OSBPL8: variants seen among roughly 807,000 people sequenced by gnomAD.
OSBPL8 encodes the protein oxysterol binding protein like 8.
OSBPL8 carries 59 observed loss-of-function variants against 125.5 expected under a neutral mutation model. That is an observed-to-expected ratio of 0.47 (90% CI 0.38 to 0.58). OSBPL8 has a LOEUF of 0.58. Among genes scored for constraint, OSBPL8 ranks in the 20% least tolerant of loss-of-function variants. OSBPL8 has a pLI of 0.00. For synonymous variants in OSBPL8, 330 were observed against 338.9 expected, an observed-to-expected ratio of 0.97 and a Z score of 0.29; for missense variants, 758 against 1,047.8, an observed-to-expected ratio of 0.72 and a Z score of 3.82.
intron 9 of OSBPL8, among the ~76,000 whole-genome samples, chr12:76,394,293 A>G (rs1953700886): frequency 6.6e-6 from 1 of 152,184 alleles, no homozygotes; most frequent in African/African-American, 2.4e-5. Context: ...AAAACAATGT[A>G]TATGTCTCAT....
In OSBPL8 at chr12:76,356,726, G is replaced by A. The variant is rs892212572; in HGVS notation, c.2437C>T (p.Gln813Ter). The A allele has an allele frequency of 6.4e-7, 1 of 1,569,730 alleles. No homozygotes were observed. The highest frequency in any genetic ancestry group is 8.7e-7 in the Non-Finnish European group (1 of 1,145,064). ...CTTCTTGTACTTGGTTTTACTGATTGAGCTAAAAAGACATTTAGAATGAAG... is the reference window on the plus strand; with the variant it reads ...CTTCTTGTACTTGGTTTTACTGATTAAGCTAAAAAGACATTTAGAATGAAG... ...DIQDSSGSEA[Q>*]SVKPSTRRKK... is the part of the protein sequence containing the mutation. The change falls in exon 23 of 24, where the codon CAA becomes TAA. Residue 813 changes from glutamine (Q) to a stop codon, truncating the protein, a stop_gained and splice_region_variant. Transcript: ENST00000261183. LOFTEE classifies it high-confidence loss of function.
chr12:76,548,374 T>C (rs1290298403), intron 1 of OSBPL8, among the ~76,000 whole-genome samples: 6 of 152,072 alleles, frequency 3.9e-5, no homozygotes, highest in Middle Eastern at 3.2e-3. Context: ...AAAGCATGAT[T>C]ATAAAGTAAA....
chr12:76,500,462 G>C (rs1398120167), intron 1 of OSBPL8, among the ~76,000 whole-genome samples: 2 of 152,084 alleles, frequency 1.3e-5, no homozygotes, highest in African/African-American at 4.8e-5. Context: ...CTTGATTCTT[G>C]AACTTCCAAA....
chr12:76,405,904 T>A (rs1331248738), intron 5 of OSBPL8, among the ~76,000 whole-genome samples: 1 of 152,314 alleles, frequency 6.6e-6, no homozygotes, highest in East Asian at 1.9e-4. Flanking sequence ...ATGTTATATA[T>A]TTTTTACTTC....
intron 1 of OSBPL8, among the ~76,000 whole-genome samples, chr12:76,540,505 T>C (rs1383013479): frequency 6.6e-6 from 1 of 151,658 alleles, no homozygotes; most frequent in Non-Finnish European, 1.5e-5. Context: ...TGTGTGTGTG[T>C]GTGTGTGTGT....
At chr12:76,554,643 A>ACAG (rs1951042015) in intron 1 of OSBPL8, among the ~76,000 whole-genome samples, 1 of 152,246 alleles carries the variant, frequency 6.6e-6, no homozygotes, top group Non-Finnish European at 1.5e-5. Flanking sequence ...AGTACCTGGT[A>ACAG]TATAGCAGTT....
chr12:76,394,535 T>C (rs1405244113), intron 9 of OSBPL8, 110 bp downstream of exon 9: 5 of 745,988 alleles, frequency 6.7e-6, no homozygotes, highest in Non-Finnish European at 8.8e-6. Flanking sequence ...ACCATGCTTC[T>C]GCTGCAAATG....
chr12:76,492,672 T>C (rs919244841), intron 1 of OSBPL8, among the ~76,000 whole-genome samples: 1 of 152,178 alleles, frequency 6.6e-6, no homozygotes, highest in Non-Finnish European at 1.5e-5. Context: ...CTGCTCCTTA[T>C]GAGAATCTAA....
intron 1 of OSBPL8, among the ~76,000 whole-genome samples, chr12:76,506,817 A>ATTTAAATGATTTT (rs1880465863): frequency 6.6e-6 from 1 of 152,186 alleles, no homozygotes; most frequent in Admixed American, 6.5e-5. Flanking sequence ...GGTCAAAGTC[A>ATTTAAATGATTTT]AAAACATTTA....
Position 76,390,478 on chromosome 12 carries a change from G to A in OSBPL8, c.1109C>T (p.Pro370Leu). 1 of 1,613,846 alleles carries A rather than the reference G, an allele frequency of 6.2e-7. No homozygotes were observed. The highest frequency in any genetic ancestry group is 8.5e-7 in the Non-Finnish European group (1 of 1,179,902). The change falls in exon 11 of 24, where the codon CCT becomes CTT. Residue 370 changes from proline (P) to leucine (L), a missense_variant. Pro to Leu is a moderately conservative substitution (Grantham distance 98). This residue lies in a region of OSBPL8 where 572 missense variants were observed against 762.0 expected (regional missense o/e 0.75). Transcript: ENST00000261183. ...GGTAGTCTCCTTTAAAGGCTCAACA[G>A]GCTCAGGTTCGATATATGAGTCATC... ...RQDDSYIEPE[P>L]VEPLKETTYT...
chr12:76,548,039 C>CA (rs1160105747), intron 1 of OSBPL8, among the ~76,000 whole-genome samples: 2 of 151,798 alleles, frequency 1.3e-5, no homozygotes, highest in Non-Finnish European at 2.9e-5. Context: ...TCTGCATTAA[C>CA]AAAAAAATAG....
intron 2 of OSBPL8, among the ~76,000 whole-genome samples, chr12:76,479,035 T>G (rs1203461790): frequency 1.3e-5 from 2 of 152,202 alleles, no homozygotes; most frequent in Non-Finnish European, 2.9e-5. Context: ...CACTCCAGCC[T>G]GGGCGACAGA....
chr12:76,376,509 T>C (rs1434033427), intron 16 of OSBPL8, among the ~76,000 whole-genome samples: 1 of 152,222 alleles, frequency 6.6e-6, no homozygotes, highest in Admixed American at 6.6e-5. Flanking sequence ...CGCAAGTGGT[T>C]ATAACTTCTT....
chr12:76,552,421 A>C (rs1376226551), intron 1 of OSBPL8, among the ~76,000 whole-genome samples: 1 of 85,694 alleles, frequency 1.2e-5, no homozygotes, highest in Non-Finnish European at 2.1e-5. Context: ...GCGATACCCC[A>C]TGTCTCCAAA....
chr12:76,506,942 C>A (rs1340602843), intron 1 of OSBPL8, among the ~76,000 whole-genome samples: 1 of 151,960 alleles, frequency 6.6e-6, no homozygotes, highest in African/African-American at 2.4e-5. Context: ...GAAAGGTAGT[C>A]TTCTCTGCTG....
chr12:76,491,437 T>C (rs1244681451), intron 1 of OSBPL8, among the ~76,000 whole-genome samples: 1 of 152,204 alleles, frequency 6.6e-6, no homozygotes, highest in African/African-American at 2.4e-5. Flanking sequence ...TCTACAAGTA[T>C]AAAAGGCCTT....
At chr12:76,370,481 A>G (rs966526668) in intron 19 of OSBPL8, among the ~76,000 whole-genome samples, 2 of 152,190 alleles carry the variant, frequency 1.3e-5, no homozygotes, top group Non-Finnish European at 2.9e-5. Context: ...TAAAACCAGA[A>G]AAGGCTTTGG....
chr12:76,388,788 TA>T (rs1953432030), intron 12 of OSBPL8, among the ~76,000 whole-genome samples: 1 of 152,192 alleles, frequency 6.6e-6, no homozygotes, highest in Admixed American at 6.5e-5. Flanking sequence ...TTAGGGAGGT[TA>T]ACATTTTGTC....
chr12:76,430,632 T>C (rs1335448508), intron 4 of OSBPL8, among the ~76,000 whole-genome samples: 1 of 152,168 alleles, frequency 6.6e-6, no homozygotes, highest in African/African-American at 2.4e-5. Flanking sequence ...AGAATACAGA[T>C]AGAAAATCTA....
Sources: allele counts gnomAD v4.1 joint callset (sites outside exome capture counted in the v4.1 genomes callset), GRCh38; gene constraint gnomAD v4.1.1; regional missense constraint gnomAD v4.1.1; transcripts MANE v1.5; gene names NCBI Gene and HGNC (gene_info 2026-07-23, HGNC 2026-07-21).